Variants in PAN3 observed in about 807,000 individuals in gnomAD.
PAN3 encodes PAN2-PAN3 deadenylation complex subunit PAN3.
Under a neutral mutation model 96.2 loss-of-function variants are expected in PAN3, and 19 were observed. That is an observed-to-expected ratio of 0.20 (90% CI 0.14 to 0.29). PAN3 has a LOEUF of 0.29. Ranked by LOEUF, PAN3 falls within the 10% of genes least tolerant of loss-of-function variation. The pLI, the probability that PAN3 is intolerant of heterozygous loss-of-function variation, is 1.00. For missense variants in PAN3, 882 were observed against 1,108.1 expected (o/e 0.80, Z 2.90); for synonymous variants, 433 against 406.6 (o/e 1.06, Z -0.78).
chr13:28,232,576 A>G (rs962107628), intron 6 of PAN3: 55 of 152,110 alleles, frequency 3.6e-4, no homozygotes, highest in African/African-American at 1.3e-3. Context: ...TGCAAAGATG[A>G]CATCCAAATT....
chr13:28,179,726 G>A (rs1330356790), intron 4 of PAN3, among the ~76,000 whole-genome samples: 2 of 150,726 alleles, frequency 1.3e-5, no homozygotes, highest in Non-Finnish European at 3.0e-5. Flanking sequence ...AAAAAAATCA[G>A]TTAATAACTA....
At chr13:28,231,372 T>A (rs1323085090) in intron 6 of PAN3, among the ~76,000 whole-genome samples, 1 of 152,216 alleles carries the variant, frequency 6.6e-6, no homozygotes, top group Non-Finnish European at 1.5e-5. Flanking sequence ...CTCTATCAAA[T>A]ATTGAGGACT....
intron 5 of PAN3, among the ~76,000 whole-genome samples, chr13:28,211,768 T>G (rs80159959): frequency 7.3e-4 from 111 of 152,244 alleles, no homozygotes; most frequent in Middle Eastern, 3.4e-3. Flanking sequence ...CAAAAACATA[T>G]GTAACAGCAG....
chr13:28,150,110 C>T (rs1231766157), intron 1 of PAN3, among the ~76,000 whole-genome samples: 1 of 152,066 alleles, frequency 6.6e-6, no homozygotes. Context: ...GAGATGAGAT[C>T]ACGGTGAAGA....
intron 6 of PAN3, among the ~76,000 whole-genome samples, chr13:28,237,742 T>C (rs7990973): frequency 0.14 from 21,411 of 152,174 alleles, 1,846 homozygotes; most frequent in East Asian, 0.32. Context: ...TTTAATCATA[T>C]AGTAACATGA....
intron 6 of PAN3, chr13:28,239,620 A>G (rs1883456530): frequency 7.8e-7 from 1 of 1,289,742 alleles, no homozygotes; most frequent in Non-Finnish European, 1.0e-6. Flanking sequence ...CTTGAAGATA[A>G]ATCCTACAAT....
intron 5 of PAN3, among the ~76,000 whole-genome samples, 177 bp downstream of exon 5, chr13:28,197,523 T>C (rs1878204373): frequency 6.6e-6 from 1 of 152,168 alleles, no homozygotes; most frequent in South Asian, 2.1e-4. Flanking sequence ...TGATTTTTTC[T>C]TGGTGGCTTT....
chr13:28,220,451 G>T, intron 6 of PAN3, 73 bp downstream of exon 6: 2 of 1,486,100 alleles, frequency 1.3e-6, no homozygotes, highest in South Asian at 1.3e-5. Flanking sequence ...TAATTTATCA[G>T]AACTGAAATT....
intron 7 of PAN3, among the ~76,000 whole-genome samples, chr13:28,257,701 A>ATATATATTATATATAATAAATATATAT (rs1566234844): frequency 2.2e-5 from 3 of 138,716 alleles, no homozygotes; most frequent in Non-Finnish European, 4.6e-5. Flanking sequence ...AATATATATT[A>ATATATATTATATATAATAAATATATAT]TATATATTAT....
intron 6 of PAN3, among the ~76,000 whole-genome samples, chr13:28,223,378 A>T (rs12100437): frequency 0.01 from 1,558 of 152,276 alleles, 24 homozygotes; most frequent in African/African-American, 0.035. Flanking sequence ...ATTTCTAAGT[A>T]TCTTTTGTGA....
chr13:28,228,056 G>A (rs1250441342), intron 6 of PAN3, among the ~76,000 whole-genome samples: 1 of 152,174 alleles, frequency 6.6e-6, no homozygotes. Flanking sequence ...TAGGTTGAGA[G>A]CACCAGGGAT....
In PAN3 at chr13:28,271,964, T is replaced by A. The variant is rs1016625079; in HGVS notation, c.1959-17T>A. Reference sequence around the variant, plus strand: ...ACTTATTTTAATTATTTTCTTTAAATTATCTGGTCCTTAAAGGTTGCGAGT... The same window carrying A: ...ACTTATTTTAATTATTTTCTTTAAAATATCTGGTCCTTAAAGGTTGCGAGT... On this transcript the variant is annotated splice_polypyrimidine_tract_variant and intron_variant, in intron 13 of 18. Coordinates refer to ENST00000380958, the MANE Select transcript of PAN3 (RefSeq NM_175854.8). The A allele has an allele frequency of 4.8e-6, 7 of 1,469,310 alleles. No homozygotes were observed. Among genetic ancestry groups the A allele is most frequent in the Non-Finnish European group, 6.4e-6 (7 of 1,087,430 alleles). The allele number at this position is 1,469,310 out of a possible 1,614,324, so 91.0% of individuals were successfully genotyped here.
At chr13:28,162,928 G>C (rs193050900) in intron 1 of PAN3, among the ~76,000 whole-genome samples, 4 of 151,956 alleles carry the variant, frequency 2.6e-5, no homozygotes, top group African/African-American at 9.7e-5. Flanking sequence ...AAAGTGAAAG[G>C]TGTGCATAAT....
chr13:28,145,915 C>T (rs960695700), intron 1 of PAN3, among the ~76,000 whole-genome samples: 3 of 151,344 alleles, frequency 2.0e-5, no homozygotes, highest in Non-Finnish European at 4.4e-5. Context: ...TACAGGCTTG[C>T]GCCACCACGC....
At chr13:28,214,361 G>T (rs1306032403) in intron 5 of PAN3, among the ~76,000 whole-genome samples, 1 of 152,056 alleles carries the variant, frequency 6.6e-6, no homozygotes, top group Non-Finnish European at 1.5e-5. Context: ...ATAGTATATT[G>T]ATAATGTCGA....
At chr13:28,233,592 A>G (rs566938947) in intron 6 of PAN3, among the ~76,000 whole-genome samples, 7 of 152,134 alleles carry the variant, frequency 4.6e-5, no homozygotes, top group Non-Finnish European at 7.4e-5. Flanking sequence ...TCTTATTAGA[A>G]TTGTGGCTTA....
At position 28,292,755 on chromosome 13, in the gene PAN3, A is replaced by G; in HGVS notation, c.*233A>G. 3.0e-6 allele frequency: 1 copy of G among 338,704 alleles called. No homozygotes were observed. The highest frequency in any genetic ancestry group is 5.3e-6 in the Non-Finnish European group (1 of 188,906). 21.0% of individuals were successfully genotyped at this position (338,704 alleles called of 1,614,324 possible). On this transcript the variant is annotated 3_prime_UTR_variant, in exon 19 of 19. Coordinates refer to ENST00000380958, the MANE Select transcript of PAN3 (RefSeq NM_175854.8). Reference sequence around the variant, plus strand: ...TCTGTGAAGAATTTATTTTAGATTTAGGAGCACCATCAGGTGAATGATGTT... The same window carrying G: ...TCTGTGAAGAATTTATTTTAGATTTGGGAGCACCATCAGGTGAATGATGTT...
chr13:28,139,662 T>A (rs1276163029), intron 1 of PAN3, among the ~76,000 whole-genome samples: 1 of 152,026 alleles, frequency 6.6e-6, no homozygotes, highest in Non-Finnish European at 1.5e-5. Flanking sequence ...GGAAATGCTT[T>A]CTAAGGATTA....
intron 5 of PAN3, among the ~76,000 whole-genome samples, chr13:28,207,635 A>G (rs1420641288): frequency 1.3e-5 from 2 of 152,198 alleles, no homozygotes; most frequent in African/African-American, 4.8e-5. Context: ...GTCTTTTAAG[A>G]TTGAATTCAT....
Sources: allele counts gnomAD v4.1 joint callset (sites outside exome capture counted in the v4.1 genomes callset), GRCh38; gene constraint gnomAD v4.1.1; transcripts MANE v1.5; gene names NCBI Gene and HGNC (gene_info 2026-07-23, HGNC 2026-07-21).